KIF19: variants seen among roughly 807,000 people sequenced by gnomAD.
The protein encoded by KIF19 is kinesin-like protein KIF19.
In KIF19, 98 loss-of-function variants were observed where a neutral mutation model predicts 106.6. The observed-to-expected ratio is 0.92, with a 90% CI of 0.78 to 1.09. The LOEUF (loss-of-function observed/expected upper bound fraction) is 1.09, where lower values mean the gene tolerates loss of function less well. Among genes scored for constraint, KIF19 ranks in the 50% least tolerant of loss-of-function variants. The probability of loss-of-function intolerance (pLI) is 0.00; values close to 1 mark genes in which losing one functional copy is unlikely to be tolerated. For missense variants in KIF19, 1,373 were observed against 1,414.3 expected, an observed-to-expected ratio of 0.97 and a Z score of 0.47; for synonymous variants, 516 against 584.2, an observed-to-expected ratio of 0.88 and a Z score of 1.68.
chr17:74,339,783 G>T (rs2054312264), intron 2 of KIF19, among the ~76,000 whole-genome samples: 1 of 152,236 alleles, frequency 6.6e-6, no homozygotes, highest in Non-Finnish European at 1.5e-5. Context: ...GGCGCCAGCT[G>T]CCTCTCAGGG....
Position 74,346,307 on chromosome 17 carries a change from T to C in KIF19, c.778-71T>C. 1 of 1,486,412 alleles carries C rather than the reference T, an allele frequency of 6.7e-7. No homozygotes were observed. 92.1% of individuals were successfully genotyped at this position (1,486,412 alleles called of 1,614,324 possible). A position where few individuals can be genotyped will look rare whatever the true frequency, so the allele number is the denominator to read the frequency against. ...CCAGGATCACCAGGTCATTCATTGGTGGGGTGGCTGGGGAGAAACCCAGTC... is the reference window on the plus strand; with the variant it reads ...CCAGGATCACCAGGTCATTCATTGGCGGGGTGGCTGGGGAGAAACCCAGTC... On this transcript the variant is annotated intron_variant, in intron 7 of 19. Coordinates refer to ENST00000389916, the MANE Select transcript of KIF19 (RefSeq NM_153209.4). The surrounding 1 kb of genome is among the most constrained non-coding windows in gnomAD (Gnocchi z 4.6).
At position 74,350,853 on chromosome 17, in the gene KIF19, G is replaced by A. The variant is rs151092909; in HGVS notation, c.1535G>A (p.Arg512Gln). 1.7e-5 allele frequency: 27 copies of A among 1,613,868 alleles called. No homozygotes were observed. Among genetic ancestry groups the A allele is most frequent in the African/African-American group, 9.3e-5 (7 of 74,930 alleles). The change falls in exon 12 of 20, where the codon CGG becomes CAG. Residue 512 changes from arginine to glutamine, a missense_variant. By Grantham distance (43) the Arg-to-Gln change is conservative (BLOSUM62 1). Coordinates refer to ENST00000389916, the MANE Select transcript of KIF19 (RefSeq NM_153209.4). ...ILEPPEVAAA[R>Q]ESIAALVDEQ... is the part of the protein sequence containing the mutation. The stretch of plus-strand genomic sequence containing the variant: ...GAGCCACCCGAGGTGGCCGCAGCCC[G>A]GGAGAGCATTGCAGCCCTGGTGGAC...
chr17:74,347,975 CCCCACTGCA>C, intron 9 of KIF19, 76 bp downstream of exon 9: 1 of 1,485,380 alleles, frequency 6.7e-7, no homozygotes, highest in Non-Finnish European at 9.1e-7. Context: ...ATCCCTGCCA[CCCCACTGCA>C]CTCTCTGGAA....
chr17:74,353,024 G>A, intron 15 of KIF19, 70 bp downstream of exon 15: 1 of 1,575,058 alleles, frequency 6.3e-7, no homozygotes. Flanking sequence ...CCAGACTAAG[G>A]CTAAATGGGG....
At chr17:74,328,170 G>C (rs181192778) in intron 1 of KIF19, among the ~76,000 whole-genome samples, 1 of 152,318 alleles carries the variant, frequency 6.6e-6, no homozygotes, top group Admixed American at 6.5e-5. Flanking sequence ...GTGAGGCTGA[G>C]GCAGGCTGGA....
rs926261289 is a variant in KIF19, at chr17:74,355,039, G to A, written c.2866+98G>A. On this transcript the variant is annotated intron_variant, in intron 19 of 19. Transcript: ENST00000389916. ...TTTCCTGCGCCTCTGGCTGCCCCTT[G>A]CTGGAAGCATGGTTCTAGCAGAATA... The A allele has an allele frequency of 1.9e-6, 3 of 1,550,742 alleles. No individual in the cohort carries two copies. In the Admixed American group the frequency reaches 5.3e-5, roughly 27 times the overall value.
intron 3 of KIF19, 82 bp downstream of exon 3, chr17:74,342,068 C>A: frequency 9.7e-7 from 1 of 1,030,854 alleles, no homozygotes; most frequent in Non-Finnish European, 1.5e-6. Context: ...TCCAGGGCCC[C>A]TGCCTTTGAA....
At chr17:74,350,975 C>A in intron 12 of KIF19, 70 bp downstream of exon 12, 1 of 1,513,648 alleles carries the variant, frequency 6.6e-7, no homozygotes. Context: ...AGAGGCAAGG[C>A]GGAGGGGCCA....
At chr17:74,353,109 C>T in intron 15 of KIF19, 87 bp from the exon 16 acceptor site, 1 of 1,407,476 alleles carries the variant, frequency 7.1e-7, no homozygotes, top group South Asian at 1.2e-5. Context: ...TCTCCTTTCA[C>T]ACCAACAGCT....
intron 2 of KIF19, among the ~76,000 whole-genome samples, chr17:74,333,641 G>T (rs1336467817): frequency 6.6e-6 from 1 of 152,068 alleles, no homozygotes; most frequent in South Asian, 2.1e-4. Flanking sequence ...GATTACAGGT[G>T]TAATCTTTAT....
intron 9 of KIF19, 115 bp downstream of exon 9, chr17:74,348,014 C>T: frequency 1.6e-6 from 2 of 1,234,372 alleles, no homozygotes; most frequent in Non-Finnish European, 2.2e-6. Context: ...GCTGCACTGG[C>T]CTCATTCCCT....
chr17:74,342,048 G>A, intron 3 of KIF19, 62 bp downstream of exon 3: 1 of 1,287,100 alleles, frequency 7.8e-7, no homozygotes, highest in Non-Finnish European at 1.1e-6. Context: ...GCCCCACTCA[G>A]GAGGGGCCCT....
intron 14 of KIF19, 124 bp from the exon 15 acceptor site, chr17:74,352,697 C>A: frequency 8.1e-7 from 1 of 1,237,052 alleles, no homozygotes; most frequent in Non-Finnish European, 1.2e-6. Flanking sequence ...CACAAGCCCA[C>A]TGCCCTTCTG....
chr17:74,345,937 A>G (rs2054519117), intron 7 of KIF19, among the ~76,000 whole-genome samples: 1 of 152,100 alleles, frequency 6.6e-6, no homozygotes, highest in African/African-American at 2.4e-5. Context: ...CGGCTTTGAC[A>G]TGCTCCTGCA....
At position 74,349,180 on chromosome 17, in the gene KIF19, G is replaced by A; in HGVS notation, c.1048-4G>A. On this transcript the variant is annotated splice_polypyrimidine_tract_variant and splice_region_variant and intron_variant, in intron 9 of 19. Coordinates refer to ENST00000389916, the MANE Select transcript of KIF19 (RefSeq NM_153209.4). The stretch of plus-strand genomic sequence containing the variant: ...CCCCTCCGCTCCATACGTGTTCCCT[G>A]CAGGTGAAGCAGAACCTCCTGAACG... 6.2e-7 allele frequency: 1 copy of A among 1,613,754 alleles called. No individual in the cohort carries two copies. Among genetic ancestry groups the A allele is most frequent in the Non-Finnish European group, 8.5e-7 (1 of 1,179,848 alleles).
rs774872157 is a variant in KIF19 at position 74,352,180 on chromosome 17, G to A, written c.1859-39G>A. The A allele has an allele frequency of 3.7e-5, 59 of 1,589,360 alleles. 1 individual carries two copies. The highest frequency in any genetic ancestry group is 1.9e-4 in the South Asian group (17 of 88,760). ...GCGCATCTGAGCCACCCGCGGGGGG[G>A]CCGCTGGCACTCACTGAGCCCTGCC... On this transcript the variant is annotated intron_variant, in intron 13 of 19. Transcript: ENST00000389916.
rs2054537618 is a variant in KIF19 at position 74,346,583 on chromosome 17, C to G, written c.924+59C>G. 1.3e-6 allele frequency: 2 copies of G among 1,496,320 alleles called. No homozygotes were observed. Among genetic ancestry groups the G allele is most frequent in the East Asian group, 2.5e-5 (1 of 40,196 alleles). The allele number at this position is 1,496,320 out of a possible 1,614,324, so 92.7% of individuals were successfully genotyped here. ...CCAAGGGTGAGGCTGCCAGATTAAA[C>G]AAATGAAAATACAGGGCACCCAGCT... On this transcript the variant is annotated intron_variant, in intron 8 of 19. Transcript: ENST00000389916. The surrounding 1 kb of genome is among the most constrained non-coding windows in gnomAD (Gnocchi z 4.6).
intron 2 of KIF19, among the ~76,000 whole-genome samples, chr17:74,338,987 C>A (rs995653655): frequency 9.2e-5 from 14 of 151,954 alleles, no homozygotes; most frequent in Non-Finnish European, 1.8e-4. Context: ...GAGCATAGCC[C>A]CTGTCTCTGC....
rs1175241274 is a variant in KIF19 at position 74,354,183 on chromosome 17, G to A, written c.2330G>A (p.Gly777Asp). The change falls in exon 18 of 20, where the codon GGC (glycine) becomes GAC (aspartate). Residue 777 changes from glycine to aspartate, a missense_variant. By Grantham distance (94) the Gly-to-Asp change is moderately conservative. This residue lies in a region of KIF19 where 1,020 missense variants were observed against 1,008.2 expected (regional missense o/e 1.01). Coordinates refer to ENST00000389916, the MANE Select transcript of KIF19 (RefSeq NM_153209.4). ...SHKERKEILT[G>D]TKCIWVKAAR... ...GCAGAGAGGAAGGAGATCCTGACTGGCACCAAGTGCATCTGGGTGAAGGCC... is the reference window on the plus strand; with the variant it reads ...GCAGAGAGGAAGGAGATCCTGACTGACACCAAGTGCATCTGGGTGAAGGCC... 6.2e-7 allele frequency: 1 copy of A among 1,608,704 alleles called. No homozygotes were observed.
Sources: gnomAD v4.1 joint callset for allele counts (sites outside exome capture counted in the v4.1 genomes callset) on GRCh38, gnomAD v4.1.1 for gene constraint, gnomAD v4.1.1 regional missense constraint, Gnocchi (gnomAD v3.1) non-coding constraint, MANE v1.5 for transcripts, NCBI Gene and HGNC (gene_info 2026-07-23, HGNC 2026-07-21) for gene names.